The following SH3GL3 variants were observed in gnomAD, a reference collection of about 807,000 sequenced individuals.
The protein encoded by SH3GL3 is endophilin-A3.
In SH3GL3, 33 loss-of-function variants were observed where a neutral mutation model predicts 47.7. The observed-to-expected ratio is 0.69, with a 90% CI of 0.52 to 0.92. The LOEUF (loss-of-function observed/expected upper bound fraction) is 0.92. Among genes scored for constraint, SH3GL3 ranks in the 40% least tolerant of loss-of-function variants. SH3GL3 has a pLI of 0.00. For missense variants in SH3GL3, 363 were observed against 417.8 expected (o/e 0.87, Z 1.14); for synonymous variants, 155 against 148.8 (o/e 1.04, Z -0.30).
At chr15:83,462,120 C>G (rs1002036355) in intron 1 of SH3GL3, among the ~76,000 whole-genome samples, 2 of 152,176 alleles carry the variant, frequency 1.3e-5, no homozygotes, top group South Asian at 2.1e-4. Flanking sequence ...AACTAAACAT[C>G]TTAATATAAA....
intron 1 of SH3GL3, among the ~76,000 whole-genome samples, chr15:83,520,799 T>TA (rs1158440102): frequency 2.0e-5 from 3 of 152,198 alleles, no homozygotes; most frequent in East Asian, 1.9e-4. Context: ...TAGATGCTCT[T>TA]ACCTCTCCCA....
chr15:83,460,977 G>A (rs1355763641), intron 1 of SH3GL3, among the ~76,000 whole-genome samples: 1 of 152,046 alleles, frequency 6.6e-6, no homozygotes, highest in Non-Finnish European at 1.5e-5. Context: ...CAGCTACTCA[G>A]GAGGCTGAGG....
intron 8 of SH3GL3, 148 bp from the exon 9 acceptor site, chr15:83,617,934 C>A: frequency 1.6e-6 from 1 of 620,792 alleles, no homozygotes. Flanking sequence ...AGACCACAAA[C>A]GGCACCGTGA....
chr15:83,554,532 A>G (rs1192697439), intron 1 of SH3GL3, among the ~76,000 whole-genome samples: 3 of 151,472 alleles, frequency 2.0e-5, no homozygotes, highest in Non-Finnish European at 4.4e-5. Context: ...CTAGATTTTT[A>G]TTGCGCCACC....
intron 1 of SH3GL3, among the ~76,000 whole-genome samples, chr15:83,548,490 G>A (rs936664560): frequency 1.1e-4 from 16 of 151,648 alleles, no homozygotes; most frequent in Non-Finnish European, 1.9e-4. Context: ...GTGTTTGTCC[G>A]TTGTGAGAAA....
intron 7 of SH3GL3, 59 bp from the exon 8 acceptor site, chr15:83,588,603 G>A: frequency 9.6e-7 from 1 of 1,044,764 alleles, no homozygotes; most frequent in Non-Finnish European, 1.5e-6. Context: ...CAGAGAGGAT[G>A]TGTGTTTGGA....
At chr15:83,624,001 G>A in the SH3GL3 span, among the ~76,000 whole-genome samples, 1 of 152,112 alleles carries the variant, frequency 6.6e-6, no homozygotes, top group African/African-American at 2.4e-5. Flanking sequence ...TGGCCAGGCT[G>A]GTCTCGAACT....
chr15:83,503,817 T>G (rs990974669), intron 1 of SH3GL3, among the ~76,000 whole-genome samples: 7 of 152,236 alleles, frequency 4.6e-5, no homozygotes, highest in African/African-American at 1.7e-4. Flanking sequence ...TTTAAGGACT[T>G]TTGTTATGCA....
intron 1 of SH3GL3, among the ~76,000 whole-genome samples, chr15:83,515,108 C>A (rs982810949): frequency 4.6e-5 from 7 of 152,088 alleles, no homozygotes; most frequent in Non-Finnish European, 8.8e-5. Context: ...GACTTCTGAC[C>A]TCTAGAGCTG....
intron 1 of SH3GL3, among the ~76,000 whole-genome samples, chr15:83,469,178 A>C (rs1244872607): frequency 6.6e-6 from 1 of 152,120 alleles, no homozygotes; most frequent in Non-Finnish European, 1.5e-5. Context: ...GTAATATCTC[A>C]TCTTTCATTC....
At chr15:83,574,983 G>A (rs1357474076) in intron 5 of SH3GL3, among the ~76,000 whole-genome samples, 1 of 152,212 alleles carries the variant, frequency 6.6e-6, no homozygotes, top group East Asian at 1.9e-4. Context: ...TCCTCGGGGT[G>A]AGTGATCGTG....
intron 1 of SH3GL3, among the ~76,000 whole-genome samples, chr15:83,489,724 C>G (rs529411429): frequency 1.3e-5 from 2 of 152,022 alleles, no homozygotes; most frequent in Non-Finnish European, 2.9e-5. Context: ...ACCAAAATGC[C>G]CTTTCCAGGT....
intron 1 of SH3GL3, among the ~76,000 whole-genome samples, chr15:83,465,189 A>T (rs2040514682): frequency 1.3e-5 from 2 of 151,794 alleles, no homozygotes; most frequent in African/African-American, 2.4e-5. Context: ...GTGTGTCTGT[A>T]ATCTCAGCTA....
intron 1 of SH3GL3, among the ~76,000 whole-genome samples, chr15:83,503,714 T>C (rs372523131): frequency 1.3e-5 from 2 of 152,214 alleles, no homozygotes; most frequent in African/African-American, 4.8e-5. Flanking sequence ...ACTAGAACAA[T>C]GTATAATTAG....
intron 3 of SH3GL3, among the ~76,000 whole-genome samples, chr15:83,566,361 A>AGTGTGTGT (rs1326661845): frequency 1.7e-5 from 2 of 118,346 alleles, no homozygotes; most frequent in South Asian, 3.1e-4. Context: ...AGAGAGAGAG[A>AGTGTGTGT]GAGAGTGTGT....
intron 1 of SH3GL3, among the ~76,000 whole-genome samples, chr15:83,552,267 G>A (rs1208337366): frequency 6.6e-6 from 1 of 152,160 alleles, no homozygotes; most frequent in African/African-American, 2.4e-5. Context: ...AAATTGAGGT[G>A]TTCTTTGAAA....
At chr15:83,493,443 T>C (rs1337608308) in intron 1 of SH3GL3, among the ~76,000 whole-genome samples, 2 of 152,234 alleles carry the variant, frequency 1.3e-5, no homozygotes, top group Non-Finnish European at 2.9e-5. Context: ...CAAAATTAAA[T>C]GATCCTCTTC....
intron 1 of SH3GL3, among the ~76,000 whole-genome samples, chr15:83,530,603 C>T (rs2151675060): frequency 6.6e-6 from 1 of 151,800 alleles, no homozygotes; most frequent in African/African-American, 2.4e-5. Flanking sequence ...CCCGGCCCCT[C>T]CTCAGGTCAA....
intron 5 of SH3GL3, among the ~76,000 whole-genome samples, chr15:83,573,329 C>T (rs2059588360): frequency 6.6e-6 from 1 of 152,196 alleles, no homozygotes; most frequent in Non-Finnish European, 1.5e-5. Flanking sequence ...ATGATCTCAG[C>T]TTGGAGGTCA....
Sources: gnomAD v4.1 joint callset for allele counts (sites outside exome capture counted in the v4.1 genomes callset) on GRCh38, gnomAD v4.1.1 for gene constraint, MANE v1.5 for transcripts, NCBI Gene and HGNC (gene_info 2026-07-23, HGNC 2026-07-21) for gene names.